The following ZSCAN30 variants were observed in gnomAD, a reference collection of about 807,000 sequenced individuals.
ZSCAN30 encodes zinc finger and SCAN domain-containing protein 30.
Under a neutral mutation model 44.3 loss-of-function variants are expected in ZSCAN30, and 37 were observed. The ratio of observed to expected loss-of-function variants is 0.84; its 90% confidence interval spans 0.64 to 1.10. The LOEUF (loss-of-function observed/expected upper bound fraction) is 1.10, where lower values mean the gene tolerates loss of function less well. Ranked by LOEUF, ZSCAN30 falls within the 50% of genes least tolerant of loss-of-function variation. The pLI is 0.00. For synonymous variants in ZSCAN30, 181 were observed against 204.6 expected (o/e 0.88, Z 0.98); for missense variants, 549 against 582.6 (o/e 0.94, Z 0.59).
At chr18:35,271,934 G>A (rs1369301322) in intron 1 of ZSCAN30, among the ~76,000 whole-genome samples, 3 of 151,990 alleles carry the variant, frequency 2.0e-5, no homozygotes, top group East Asian at 1.9e-4. Flanking sequence ...CTGGCCGGCC[G>A]CTCCAAGTGC....
At chr18:35,268,001 G>A (rs906215845) in intron 1 of ZSCAN30, 1 of 152,332 alleles carries the variant, frequency 6.6e-6, no homozygotes, top group African/African-American at 2.4e-5. Flanking sequence ...TGGGGGGCAG[G>A]AGAAGCTGTA....
chr18:35,274,458 G>A (rs570559294), intron 1 of ZSCAN30, among the ~76,000 whole-genome samples: 1 of 152,324 alleles, frequency 6.6e-6, no homozygotes, highest in Admixed American at 6.5e-5. Context: ...TCAACCAGAT[G>A]ACTTGCAGTT....
At chr18:35,288,522 A>T (rs2044593588) in intron 1 of ZSCAN30, among the ~76,000 whole-genome samples, 1 of 152,220 alleles carries the variant, frequency 6.6e-6, no homozygotes, top group Admixed American at 6.5e-5. Context: ...TCTCAGCTTT[A>T]CTTGTAACAG....
intron 1 of ZSCAN30, among the ~76,000 whole-genome samples, chr18:35,287,465 TAG>T: frequency 6.9e-6 from 1 of 144,620 alleles, no homozygotes; most frequent in South Asian, 2.1e-4. Context: ...AATGAAAAAA[TAG>T]AGAGGCCAGA....
At position 35,253,713 on chromosome 18, in the gene ZSCAN30, T is replaced by C. The variant is rs1432781129; in HGVS notation, c.1222A>G (p.Thr408Ala). The C allele has an allele frequency of 6.2e-7, 1 of 1,614,150 alleles. No individual in the cohort carries two copies. The highest frequency in any genetic ancestry group is 1.7e-5 in the Admixed American group (1 of 60,012). Residue 408 changes from threonine to alanine, a missense_variant, in exon 4 of 4, where the codon ACT becomes GCT. By Grantham distance (58) the Thr-to-Ala change is moderately conservative. Coordinates refer to ENST00000333206, the MANE Select transcript of ZSCAN30 (RefSeq NM_001112734.4). ...ATACATTCATAGCTTTTATCTCCAGTGTGAATTTTCTTATGCTGAATAAGG... is the reference window on the plus strand; with the variant it reads ...ATACATTCATAGCTTTTATCTCCAGCGTGAATTTTCTTATGCTGAATAAGG... ...SALIQHKKIHTGDKSYECIAC... is the reference protein window; with the variant it reads ...SALIQHKKIHAGDKSYECIAC...
rs764403476 is a variant in ZSCAN30, at chr18:35,263,956, G to A, written c.397C>T (p.Pro133Ser). Residue 133 changes from proline (P) to serine (S), a missense_variant, in exon 2 of 4, where the codon CCA becomes TCA. Physicochemically the swap from Pro to Ser is moderately conservative, Grantham distance 74. Coordinates refer to ENST00000333206, the MANE Select transcript of ZSCAN30 (RefSeq NM_001112734.4). ...TGTTTACTTCTTACCTGTTGCCTTG[G>A]CTCCTCCAGTTCTTTTTCCAGCTCC... The part of the protein sequence containing the change: ...LEELEKELEE[P>S]RQQDTTHGQE... The A allele has an allele frequency of 2.2e-5, 35 of 1,613,772 alleles. No individual in the cohort carries two copies. In the South Asian group the frequency reaches 3.8e-4, roughly 18 times the overall value.
At chr18:35,274,273 G>A (rs767983329) in intron 1 of ZSCAN30, among the ~76,000 whole-genome samples, 8 of 151,914 alleles carry the variant, frequency 5.3e-5, no homozygotes, top group Non-Finnish European at 1.2e-4. Context: ...TCCTGACCTC[G>A]TGATCTGCCC....
chr18:35,285,972 G>T (rs530891531), intron 1 of ZSCAN30, among the ~76,000 whole-genome samples: 67 of 152,144 alleles, frequency 4.4e-4, no homozygotes, highest in African/African-American at 1.6e-3. Context: ...AGGGGAAATG[G>T]GAGAAGATAC....
chr18:35,254,168 T>C lies in ZSCAN30; in HGVS notation c.767A>G (p.His256Arg). ...KISQLPSQDR[H>R]FSLATFNRRI... ...TCTGTTGAAGGTTGCCAGACTGAAA[T>C]GTCTGTCCTGGGAAGGAAGCTGACT... Residue 256 changes from histidine (H) to arginine (R), a missense_variant, in exon 4 of 4, where the codon CAT becomes CGT. By Grantham distance (29) the His-to-Arg change is conservative. Transcript: ENST00000333206. 1 of 1,614,200 alleles carries C rather than the reference T, an allele frequency of 6.2e-7. No individual in the cohort carries two copies. The highest frequency in any genetic ancestry group is 8.5e-7 in the Non-Finnish European group (1 of 1,180,008).
chr18:35,267,482 C>T (rs945436995), intron 1 of ZSCAN30: 1 of 57,554 alleles, frequency 1.7e-5, no homozygotes, highest in East Asian at 2.3e-4. Flanking sequence ...TCACCCTTCG[C>T]TCTACCGGCG....
intron 3 of ZSCAN30, chr18:35,257,991 C>T: frequency 1.3e-6 from 1 of 780,996 alleles, no homozygotes; most frequent in South Asian, 1.3e-5. Flanking sequence ...TCAGGCGCTA[C>T]TTCTGGCAAG....
chr18:35,270,876 C>A (rs1240647994), intron 1 of ZSCAN30, among the ~76,000 whole-genome samples: 6 of 152,206 alleles, frequency 3.9e-5, no homozygotes, highest in Non-Finnish European at 8.8e-5. Flanking sequence ...TTCAGAGTTT[C>A]TTTCTTCTGA....
chr18:35,265,452 A>C (rs1293469859), intron 1 of ZSCAN30, among the ~76,000 whole-genome samples: 1 of 152,224 alleles, frequency 6.6e-6, no homozygotes, highest in Non-Finnish European at 1.5e-5. Flanking sequence ...ACAAACTGGT[A>C]AATAGCAAAG....
chr18:35,282,609 G>A (rs1183052732), intron 1 of ZSCAN30: 1 of 152,182 alleles, frequency 6.6e-6, no homozygotes, highest in Non-Finnish European at 1.5e-5. Context: ...TTGCTGACTG[G>A]TGACTCACTT....
At chr18:35,254,726 T>G in intron 3 of ZSCAN30, 1 of 336,494 alleles carries the variant, frequency 3.0e-6, no homozygotes, top group Non-Finnish European at 5.7e-6. Flanking sequence ...GGTAATGAGA[T>G]AATCAGGAAA....
intron 1 of ZSCAN30, among the ~76,000 whole-genome samples, chr18:35,274,079 G>A (rs1047033883): frequency 1.3e-5 from 2 of 151,998 alleles, no homozygotes; most frequent in South Asian, 2.1e-4. Flanking sequence ...GCAGTGGTGC[G>A]ATCTCGGCTC....
intron 1 of ZSCAN30, among the ~76,000 whole-genome samples, chr18:35,272,175 C>T (rs993670009): frequency 6.6e-6 from 1 of 152,184 alleles, no homozygotes; most frequent in African/African-American, 2.4e-5. Context: ...CCGTTGTCAC[C>T]TCTCACTACC....
chr18:35,271,881 C>T (rs931911417), intron 1 of ZSCAN30, among the ~76,000 whole-genome samples: 3 of 152,024 alleles, frequency 2.0e-5, no homozygotes, highest in African/African-American at 7.3e-5. Context: ...TCCGCAGCTG[C>T]TGGCCCGGGT....
intron 3 of ZSCAN30, chr18:35,257,200 C>A (rs910260651): frequency 6.6e-6 from 1 of 152,250 alleles, no homozygotes; most frequent in Non-Finnish European, 1.5e-5. Context: ...ATCCTTTTAA[C>A]TAGGGATGTG....
Sources: allele counts gnomAD v4.1 joint callset (sites outside exome capture counted in the v4.1 genomes callset), GRCh38; gene constraint gnomAD v4.1.1; transcripts MANE v1.5; gene names NCBI Gene and HGNC (gene_info 2026-07-23, HGNC 2026-07-21).